MEGF11: variants seen among roughly 807,000 people sequenced by gnomAD.
MEGF11 encodes the protein multiple EGF like domains 11, also known as multiple epidermal growth factor-like domains protein 11.
A neutral mutation model predicts 146.6 loss-of-function variants in MEGF11; 126 were observed. The ratio of observed to expected loss-of-function variants is 0.86; its 90% CI spans 0.74 to 1.00. MEGF11 has a LOEUF of 1.00. MEGF11 is among the 50% of genes least tolerant of loss of function. The pLI is 0.00. For synonymous variants in MEGF11, 532 were observed against 583.4 expected, an observed-to-expected ratio of 0.91 and a Z score of 1.27; for missense variants, 1,509 against 1,521.2, an observed-to-expected ratio of 0.99 and a Z score of 0.13.
intron 1 of MEGF11, among the ~76,000 whole-genome samples, chr15:66,244,619 C>T (rs943496750): frequency 3.3e-5 from 5 of 152,146 alleles, no homozygotes; most frequent in East Asian, 1.9e-4. Context: ...CCCAGAGCCA[C>T]GCTTTCCTCA....
intron 5 of MEGF11, among the ~76,000 whole-genome samples, chr15:66,078,597 G>A (rs2085695850): frequency 6.6e-6 from 1 of 152,168 alleles, no homozygotes; most frequent in Admixed American, 6.5e-5. Flanking sequence ...AGAGTTCTAG[G>A]GACATCCTGC....
chr15:66,079,260 G>A (rs756185225), intron 5 of MEGF11, among the ~76,000 whole-genome samples: 4 of 152,204 alleles, frequency 2.6e-5, no homozygotes, highest in Admixed American at 6.5e-5. Flanking sequence ...GGGGACAGAT[G>A]AGGACCCTCA....
rs147542875 is a variant in MEGF11, at chr15:65,898,054, G to C, written c.3303C>G (p.Asn1101Lys). The stretch of plus-strand genomic sequence containing the variant: ...CGTATGCATTCTGGATATAGCTGGA[G>C]TTATGACCGCAACCTTCTTGGACCA... ...VSVVQEGCGH[N>K]SSYIQNAYDL... is the part of the protein sequence containing the mutation. Residue 1101 changes from asparagine (N) to lysine (K), a missense_variant, in exon 26 of 26, where the codon AAC becomes AAG. By Grantham distance (94) the Asn-to-Lys change is moderately conservative. Coordinates refer to ENST00000395614, the MANE Select transcript of MEGF11 (RefSeq NM_001385028.1). 7 of 1,613,874 alleles carry C rather than the reference G, an allele frequency of 4.3e-6. No individual in the cohort carries two copies. The African/African-American group carries it at 9.3e-5, about 22-fold the overall frequency.
At chr15:66,152,307 G>C (rs1458274979) in intron 1 of MEGF11, among the ~76,000 whole-genome samples, 1 of 152,078 alleles carries the variant, frequency 6.6e-6, no homozygotes, top group Non-Finnish European at 1.5e-5. Context: ...GAGGGTCCCT[G>C]GTTTTCAGAG....
At chr15:66,037,415 G>A (rs1480678485) in intron 5 of MEGF11, among the ~76,000 whole-genome samples, 2 of 152,208 alleles carry the variant, frequency 1.3e-5, no homozygotes, top group Non-Finnish European at 2.9e-5. Flanking sequence ...CTTCAGGCAG[G>A]TGACTTAATC....
chr15:65,982,233 A>G lies in MEGF11; in HGVS notation c.641+9T>C. On this transcript the variant is annotated intron_variant, in intron 6 of 25. Transcript: ENST00000395614. The surrounding 1 kb of genome is among the most constrained non-coding windows in gnomAD (Gnocchi z 5.6). ...GTCCCGCCCCTCCAGGTCCTGCCGCATGACTCACTAGACGCCGGTGTAGCC... is the reference window on the plus strand; with the variant it reads ...GTCCCGCCCCTCCAGGTCCTGCCGCGTGACTCACTAGACGCCGGTGTAGCC... The G allele has an allele frequency of 2.3e-6, 3 of 1,294,982 alleles. No homozygotes were observed. Among genetic ancestry groups the G allele is most frequent in the South Asian group, 2.5e-5 (2 of 80,780 alleles). The allele number at this position is 1,294,982 out of a possible 1,614,324, so 80.2% of individuals were successfully genotyped here.
chr15:65,934,856 A>G (rs2079710905), intron 10 of MEGF11, among the ~76,000 whole-genome samples: 1 of 152,202 alleles, frequency 6.6e-6, no homozygotes, highest in Middle Eastern at 3.2e-3. Flanking sequence ...TGGAAGCTCC[A>G]TACCCCTTCC....
intron 1 of MEGF11, among the ~76,000 whole-genome samples, chr15:66,189,810 C>A (rs1038840708): frequency 1.3e-5 from 2 of 149,086 alleles, no homozygotes; most frequent in African/African-American, 5.0e-5. Context: ...CCTTAGAGTT[C>A]CAATGAGCAA....
chr15:65,942,420 T>C (rs936437923), intron 10 of MEGF11, among the ~76,000 whole-genome samples: 10 of 152,212 alleles, frequency 6.6e-5, no homozygotes, highest in Non-Finnish European at 1.2e-4. Context: ...ACAAAAGGTT[T>C]CAAGACTTTA....
In MEGF11 at chr15:66,094,464, C is replaced by T. The variant is rs201352763; in HGVS notation, c.332G>A (p.Arg111His). The change falls in exon 5 of 26, where the codon CGC becomes CAC. Residue 111 changes from arginine (R) to histidine (H), a missense_variant. Arg to His is a conservative substitution (Grantham distance 29). Transcript: ENST00000395614. ...GTGGCAGGTGTCCGGGGAAACGCAGCGGCCGTGCACACACTCCTCCGTACA... is the reference window on the plus strand; with the variant it reads ...GTGGCAGGTGTCCGGGGAAACGCAGTGGCCGTGCACACACTCCTCCGTACA... Reference protein sequence around the residue: ...PLCTEECVHGRCVSPDTCHCE... With the variant: ...PLCTEECVHGHCVSPDTCHCE... The T allele has an allele frequency of 1.3e-4, 210 of 1,560,306 alleles. No individual in the cohort carries two copies. The African/African-American group carries it at 2.0e-3, about 15-fold the overall frequency.
At position 66,214,069 on chromosome 15, in the gene MEGF11, CT is replaced by C. The variant is rs1474853536; in HGVS notation, c.-9+39535del. On this transcript the variant is annotated intron_variant, in intron 1 of 25. Coordinates refer to ENST00000395614, the MANE Select transcript of MEGF11 (RefSeq NM_001385028.1). ...TTTTTTTTTGAGATGGAGTCTCACT[CT>C]TGTTGCCCAGGCTGGAGTGCAGTGG... Among the ~76,000 whole-genome samples the C allele has an allele frequency of 8.4e-4, 107 of 127,216 alleles. 1 individual carries two copies. In the Middle Eastern group the frequency reaches 0.054, roughly 64 times the overall value. 83.5% of individuals were successfully genotyped at this position (127,216 alleles called of 152,430 possible).
Position 66,013,678 on chromosome 15 carries a change from AAAG to A in MEGF11, c.395-31193_395-31191del, listed in dbSNP as rs545337623. Among the ~76,000 whole-genome samples the A allele has an allele frequency of 7.0e-3, 1,059 of 152,318 alleles. 2 individuals carry two copies. Among genetic ancestry groups the A allele is most frequent in the Non-Finnish European group, 8.9e-3 (605 of 68,022 alleles). On this transcript the variant is annotated intron_variant, in intron 5 of 25. Coordinates refer to ENST00000395614, the MANE Select transcript of MEGF11 (RefSeq NM_001385028.1). ...TCATGATTCTTTTGAAGGAGAAAGA[AAAG>A]AAGGACACCCAAGGGCCGTATAATA...
chr15:66,132,698 T>TG (rs1016512946), intron 1 of MEGF11, among the ~76,000 whole-genome samples: 49 of 152,288 alleles, frequency 3.2e-4, no homozygotes, highest in Admixed American at 2.9e-3. Context: ...TCTTAAACTC[T>TG]GGGGAGGGAC....
intron 5 of MEGF11, among the ~76,000 whole-genome samples, chr15:66,031,882 A>G (rs1329132191): frequency 2.0e-5 from 3 of 152,200 alleles, no homozygotes; most frequent in African/African-American, 4.8e-5. Flanking sequence ...TTCGTTATGA[A>G]AGTACTGGTC....
chr15:65,968,490 GT>G (rs1187743947), intron 8 of MEGF11, among the ~76,000 whole-genome samples: 1 of 152,118 alleles, frequency 6.6e-6, no homozygotes, highest in African/African-American at 2.4e-5. Flanking sequence ...TATTTTTGGG[GT>G]GCCTGGATCT....
rs187812680 is a variant in MEGF11, at chr15:65,939,726, C to T, written c.1288-8783G>A. On this transcript the variant is annotated intron_variant, in intron 10 of 25. Transcript: ENST00000395614. ...GTCAGGCTGGTCTCGAACTCTTGAC[C>T]TCGTGATCCACCTGCCTCAGCCTCT... Among the ~76,000 whole-genome samples, 3 of 152,206 alleles carry T rather than the reference C, an allele frequency of 2.0e-5. No individual in the cohort carries two copies. In the East Asian group the frequency reaches 5.8e-4, roughly 29 times the overall value.
chr15:66,089,051 T>G (rs2086222086), intron 5 of MEGF11, among the ~76,000 whole-genome samples: 1 of 152,254 alleles, frequency 6.6e-6, no homozygotes, highest in Non-Finnish European at 1.5e-5. Flanking sequence ...AACACTTAGT[T>G]TGAGAAGCAC....
chr15:66,073,455 C>T (rs1360111453), intron 5 of MEGF11, among the ~76,000 whole-genome samples: 3 of 152,232 alleles, frequency 2.0e-5, no homozygotes, highest in African/African-American at 7.2e-5. Flanking sequence ...ATCTTATCTC[C>T]TCCTGGGCAC....
chr15:66,008,977 C>T (rs997723921), intron 5 of MEGF11, among the ~76,000 whole-genome samples: 1 of 152,232 alleles, frequency 6.6e-6, no homozygotes. Flanking sequence ...CTGTTCCAGC[C>T]TGCCTGCCAG....
Sources: gnomAD v4.1 joint callset for allele counts (sites outside exome capture counted in the v4.1 genomes callset) on GRCh38, gnomAD v4.1.1 for gene constraint, Gnocchi (gnomAD v3.1) non-coding constraint, MANE v1.5 for transcripts, NCBI Gene and HGNC (gene_info 2026-07-23, HGNC 2026-07-21) for gene names.